DRAM2: variants seen among roughly 807,000 people sequenced by gnomAD.
The protein encoded by DRAM2 is DNA damage-regulated autophagy modulator protein 2.
A neutral mutation model predicts 33.5 loss-of-function variants in DRAM2; 26 were observed. The ratio of observed to expected loss-of-function variants is 0.78; its 90% CI spans 0.57 to 1.08. The LOEUF is 1.08. Ranked by LOEUF, DRAM2 falls within the 50% of genes least tolerant of loss-of-function variation. The pLI is 0.00. For missense variants in DRAM2, 311 were observed against 318.1 expected (o/e 0.98, Z 0.17); for synonymous variants, 98 against 109.5 (o/e 0.89, Z 0.66).
chr1:111,122,502 CA>C (rs1650244507), intron 6 of DRAM2: 1 of 152,170 alleles, frequency 6.6e-6, no homozygotes, highest in Admixed American at 6.5e-5. Flanking sequence ...CCAATACCTG[CA>C]AGGGTAAAAC....
intron 4 of DRAM2, among the ~76,000 whole-genome samples, chr1:111,129,812 A>G (rs1429618309): frequency 6.6e-6 from 1 of 152,214 alleles, no homozygotes; most frequent in African/African-American, 2.4e-5. Flanking sequence ...AACAAAATAA[A>G]AAACCCAAAA....
chr1:111,121,952 A>T (rs1162490543), intron 6 of DRAM2, among the ~76,000 whole-genome samples: 1 of 152,124 alleles, frequency 6.6e-6, no homozygotes, highest in Admixed American at 6.6e-5. Flanking sequence ...TACCAAACAG[A>T]GGAAACAGTA....
rs1382000564 is a variant in DRAM2, at chr1:111,118,210, G to C, written c.751C>G (p.Pro251Ala). 6.2e-7 allele frequency: 1 copy of C among 1,613,156 alleles called. No homozygotes were observed. Among genetic ancestry groups the C allele is most frequent in the Admixed American group, 1.7e-5 (1 of 59,986 alleles). The change falls in exon 10 of 10, where the codon CCT (proline) becomes GCT (alanine). Residue 251 changes from proline to alanine, a missense_variant. Physicochemically the swap from Pro to Ala is conservative, Grantham distance 27. Transcript: ENST00000484310. Reference protein sequence around the residue: ...LHGLTLYDTAPCPINNERTRL... With the variant: ...LHGLTLYDTAACPINNERTRL... ...GTTCGTTCATTGTTAATAGGGCAAG[G>C]TGCAGTGTCATAGAGGGTTAATCCA...
chr1:111,131,709 C>T (rs1652125605), intron 3 of DRAM2, 141 bp from the exon 4 acceptor site: 1 of 723,168 alleles, frequency 1.4e-6, no homozygotes, highest in Admixed American at 2.9e-5. Flanking sequence ...TACCCCAATA[C>T]TCGCTCTCCT....
chr1:111,119,845 T>C (rs766525902), intron 8 of DRAM2, 32 bp downstream of exon 8: 5 of 1,548,454 alleles, frequency 3.2e-6, no homozygotes, highest in Non-Finnish European at 4.4e-6. Context: ...ATCTTTAATA[T>C]AAAACTAAGT....
chr1:111,128,056 CA>C (rs1172751786), intron 4 of DRAM2: 3 of 151,576 alleles, frequency 2.0e-5, no homozygotes, highest in African/African-American at 7.3e-5. Flanking sequence ...ACACTTATAG[CA>C]AAATTGTCTT....
At chr1:111,132,681 TC>T (rs1378728926) in intron 3 of DRAM2, among the ~76,000 whole-genome samples, 2 of 130,902 alleles carry the variant, frequency 1.5e-5, no homozygotes, top group African/African-American at 6.5e-5. Context: ...TTTTTCTTCC[TC>T]TTTTTTTTTT....
intron 3 of DRAM2, among the ~76,000 whole-genome samples, chr1:111,136,534 G>A (rs1292934972): frequency 6.6e-6 from 1 of 151,926 alleles, no homozygotes; most frequent in Non-Finnish European, 1.5e-5. Context: ...GCAATGAGCT[G>A]AGATTGTGCC....
At chr1:111,123,823 G>C (rs933255082) in intron 6 of DRAM2, among the ~76,000 whole-genome samples, 1 of 152,032 alleles carries the variant, frequency 6.6e-6, no homozygotes, top group Non-Finnish European at 1.5e-5. Context: ...CCACCCCCTT[G>C]CTTCCTCCCT....
intron 8 of DRAM2, 57 bp from the exon 9 acceptor site, chr1:111,118,954 A>G: frequency 8.6e-7 from 1 of 1,164,502 alleles, no homozygotes; most frequent in South Asian, 1.7e-5. Flanking sequence ...CGATCTATAT[A>G]CTATGTTTCA....
Position 111,120,588 on chromosome 1 carries a change from T to G in DRAM2, c.445A>C (p.Lys149Gln). The G allele has an allele frequency of 1.9e-6, 3 of 1,612,040 alleles. No homozygotes were observed. Among genetic ancestry groups the G allele is most frequent in the Non-Finnish European group, 8.5e-7 (1 of 1,178,792 alleles). Residue 149 changes from lysine (K) to glutamine (Q), a missense_variant, in exon 7 of 10, where the codon AAA (lysine) becomes CAA (glutamine). By Grantham distance (53) the Lys-to-Gln change is moderately conservative. Coordinates refer to ENST00000484310, the MANE Select transcript of DRAM2 (RefSeq NM_001349884.2). ...CAGAAGACTTGTTTGCCATGGATTT[T>G]GGGCTGCATTTGGTAGGAAAGGATG... ...QTILSYQMQP[K>Q]IHGKQVFWIR...
intron 4 of DRAM2, among the ~76,000 whole-genome samples, chr1:111,130,049 G>A (rs187875955): frequency 7.4e-6 from 1 of 134,806 alleles, no homozygotes; most frequent in South Asian, 2.3e-4. Flanking sequence ...AAAAAAGAGG[G>A]TTATTATAGC....
At chr1:111,135,707 AC>A (rs1653019002) in intron 3 of DRAM2, among the ~76,000 whole-genome samples, 1 of 152,116 alleles carries the variant, frequency 6.6e-6, no homozygotes, top group Non-Finnish European at 1.5e-5. Context: ...AGAAATAAGC[AC>A]CCCTTTCTCT....
In DRAM2 at chr1:111,117,260, A is replaced by G. The variant is rs190377091; in HGVS notation, c.*900T>C. On this transcript the variant is annotated 3_prime_UTR_variant, in exon 10 of 10. Transcript: ENST00000484310. ...TTACATCCTATTAAAAAGGCTCAAT[A>G]TTTACCTGTTCAAGACTACTTTTAC... 8.5e-5 allele frequency: 13 copies of G among 152,232 alleles called. No homozygotes were observed. The highest frequency in any genetic ancestry group is 8.5e-4 in the Admixed American group (13 of 15,294). 9.4% of individuals were successfully genotyped at this position (152,232 alleles called of 1,614,324 possible).
rs1371868016 is a variant in DRAM2, at chr1:111,117,288, G to A, written c.*872C>T. The A allele has an allele frequency of 6.6e-6, 1 of 152,100 alleles. No individual in the cohort carries two copies. Among genetic ancestry groups the A allele is most frequent in the Non-Finnish European group, 1.5e-5 (1 of 67,968 alleles). 9.4% of individuals were successfully genotyped at this position (152,100 alleles called of 1,614,324 possible). A position where few individuals can be genotyped will look rare whatever the true frequency, so the allele number is the denominator to read the frequency against. ...TACCTGTTCAAGACTACTTTTACATGTAATTATAACTTGCCATAAATGAAA... is the reference window on the plus strand; with the variant it reads ...TACCTGTTCAAGACTACTTTTACATATAATTATAACTTGCCATAAATGAAA... On this transcript the variant is annotated 3_prime_UTR_variant, in exon 10 of 10. Coordinates refer to ENST00000484310, the MANE Select transcript of DRAM2 (RefSeq NM_001349884.2).
chr1:111,128,493 T>A (rs970660014), intron 4 of DRAM2, among the ~76,000 whole-genome samples: 4 of 152,144 alleles, frequency 2.6e-5, no homozygotes, highest in Admixed American at 1.3e-4. Flanking sequence ...GCCTCTTATA[T>A]TACAGTAGTC....
At position 111,131,456 on chromosome 1, in the gene DRAM2, G is replaced by T. The variant is rs1436240035; in HGVS notation, c.99C>A (p.Leu33=). Reference sequence around the variant, plus strand: ...AAGGTAAAGCCGGGTCTATATGGTGGAGTGTTACTGCAGTAATGTATGAAA... The same window carrying T: ...AAGGTAAAGCCGGGTCTATATGGTGTAGTGTTACTGCAGTAATGTATGAAA... ...FIFSYITAVT[L]HHIDPALPYI... Residue 33 remains leucine, a synonymous_variant, in exon 4 of 10, where the codon CTC becomes CTA. Coordinates refer to ENST00000484310, the MANE Select transcript of DRAM2 (RefSeq NM_001349884.2). 6.2e-7 allele frequency: 1 copy of T among 1,614,056 alleles called. No homozygotes were observed. The highest frequency in any genetic ancestry group is 2.2e-5 in the East Asian group (1 of 44,866).
intron 7 of DRAM2, among the ~76,000 whole-genome samples, chr1:111,120,169 C>T (rs2101013677): frequency 6.6e-6 from 1 of 151,906 alleles, no homozygotes. Flanking sequence ...CAAACCCCAC[C>T]TCTTTGCTCA....
At chr1:111,130,619 GA>G (rs1308981193) in intron 4 of DRAM2, among the ~76,000 whole-genome samples, 1 of 151,702 alleles carries the variant, frequency 6.6e-6, no homozygotes, top group East Asian at 1.9e-4. Flanking sequence ...AGAATCACTT[GA>G]ACCTGGGAGG....
Sources: allele counts gnomAD v4.1 joint callset (sites outside exome capture counted in the v4.1 genomes callset), GRCh38; gene constraint gnomAD v4.1.1; transcripts MANE v1.5; gene names NCBI Gene and HGNC (gene_info 2026-07-23, HGNC 2026-07-21).